The following PARD3B variants were observed in gnomAD, a reference collection of about 807,000 sequenced individuals.
The protein encoded by PARD3B is par-3 family cell polarity regulator beta, also known as partitioning defective 3 homolog B.
PARD3B carries 103 observed loss-of-function variants against 130.2 expected under a neutral mutation model. That is an observed-to-expected ratio of 0.79 (90% CI 0.67 to 0.93). The LOEUF is 0.93. PARD3B is among the 40% of genes least tolerant of loss of function. The pLI, the probability that PARD3B is intolerant of heterozygous loss-of-function variation, is 0.00. For synonymous variants in PARD3B, 583 were observed against 553.2 expected, an observed-to-expected ratio of 1.05 and a Z score of -0.76; for missense variants, 1,609 against 1,499.2, an observed-to-expected ratio of 1.07 and a Z score of -1.21.
chr2:205,104,344 C>A (rs1703041542), intron 4 of PARD3B, 82 bp from the exon 5 acceptor site: 2 of 1,012,654 alleles, frequency 2.0e-6, no homozygotes, highest in Non-Finnish European at 3.1e-6. Flanking sequence ...AAGCGGTTTA[C>A]TCTCCCATAT....
chr2:204,682,197 A>G (rs561266630), intron 1 of PARD3B, among the ~76,000 whole-genome samples: 2 of 152,182 alleles, frequency 1.3e-5, no homozygotes, highest in South Asian at 2.1e-4. Flanking sequence ...ATGTAGGGAT[A>G]GAAATGGACC....
intron 2 of PARD3B, among the ~76,000 whole-genome samples, chr2:204,848,001 A>G (rs78586278): frequency 0.015 from 2,306 of 152,284 alleles, 31 homozygotes; most frequent in East Asian, 0.051. Context: ...TCACGTAGGT[A>G]TTCTATCATT....
chr2:205,355,128 A>C (rs1325238615), intron 18 of PARD3B, among the ~76,000 whole-genome samples: 2 of 152,178 alleles, frequency 1.3e-5, no homozygotes, highest in Non-Finnish European at 2.9e-5. Context: ...GGCCCATAGA[A>C]GTGCTCACCA....
chr2:205,176,704 A>C lies in PARD3B; in HGVS notation c.1924+127A>C. 9.5e-6 allele frequency: 10 copies of C among 1,052,214 alleles called. No homozygotes were observed. Among genetic ancestry groups the C allele is most frequent in the Non-Finnish European group, 1.3e-5 (10 of 765,210 alleles). The allele number at this position is 1,052,214 out of a possible 1,614,324, so 65.2% of individuals were successfully genotyped here. On this transcript the variant is annotated intron_variant, in intron 13 of 22. Transcript: ENST00000406610. The surrounding 1 kb of genome is among the most constrained non-coding windows in gnomAD (Gnocchi z 5.3). ...ACTAAGTGCAGACTTTGTTACTCGG[A>C]GTCACAAACACTGAGAGAGTTGGGG...
intron 2 of PARD3B, among the ~76,000 whole-genome samples, chr2:204,764,789 G>A (rs867514776): frequency 6.6e-6 from 1 of 150,862 alleles, no homozygotes; most frequent in Non-Finnish European, 1.5e-5. Context: ...GACAGGACAG[G>A]CATTCTGCAG....
intron 2 of PARD3B, among the ~76,000 whole-genome samples, chr2:204,927,839 C>CGTAGGTAGGTAG (rs540664848): frequency 2.2e-4 from 31 of 142,002 alleles, no homozygotes; most frequent in African/African-American, 7.5e-4. Flanking sequence ...TAGGTAGGTA[C>CGTAGGTAGGTAG]GTAGGTAGGT....
chr2:205,351,791 G>A lies in PARD3B; in HGVS notation c.2631-49222G>A, dbSNP rs1458223084. 8.7e-6 allele frequency among the ~76,000 whole-genome samples: 1 copy of A among 115,154 alleles called. No homozygotes were observed. Among genetic ancestry groups the A allele is most frequent in the East Asian group, 2.7e-4 (1 of 3,768 alleles). 75.5% of individuals were successfully genotyped at this position (115,154 alleles called of 152,430 possible). A position where few individuals can be genotyped will look rare whatever the true frequency, so the allele number is the denominator to read the frequency against. On this transcript the variant is annotated intron_variant, in intron 18 of 22. Coordinates refer to ENST00000406610, the MANE Select transcript of PARD3B (RefSeq NM_001302769.2). The surrounding 1 kb of genome is among the most constrained non-coding windows in gnomAD (Gnocchi z 4.2). The stretch of plus-strand genomic sequence containing the variant: ...ATTATTAAAGTAAGTGTAATGTAGG[G>A]CAGAAACAAGAAAAAAAAAAAACGT...
intron 2 of PARD3B, among the ~76,000 whole-genome samples, chr2:204,694,295 G>A (rs2037505930): frequency 6.6e-6 from 1 of 151,958 alleles, no homozygotes; most frequent in Non-Finnish European, 1.5e-5. Flanking sequence ...AAACGATTAA[G>A]TGGTCTTTTT....
At chr2:204,555,921 C>A (rs1227468355) in intron 1 of PARD3B, among the ~76,000 whole-genome samples, 1 of 152,128 alleles carries the variant, frequency 6.6e-6, no homozygotes, top group East Asian at 1.9e-4. Context: ...CTTTCTATTG[C>A]CCTTCCCTGA....
At position 204,945,465 on chromosome 2, in the gene PARD3B, T is replaced by A. The variant is rs562950842; in HGVS notation, c.223-19687T>A. On this transcript the variant is annotated intron_variant, in intron 2 of 22. Coordinates refer to ENST00000406610, the MANE Select transcript of PARD3B (RefSeq NM_001302769.2). ...AGGGAAAGCTTCTCATCTCACAGTG[T>A]CTTAGATCTTATCTATAGAACAGAA... is the stretch of plus-strand genomic sequence containing the variant. Among the ~76,000 whole-genome samples, 5 of 152,332 alleles carry A rather than the reference T, an allele frequency of 3.3e-5. No individual in the cohort carries two copies. The South Asian group carries it at 1.0e-3, about 32-fold the overall frequency.
At chr2:204,724,444 A>G (rs1280044166) in intron 2 of PARD3B, among the ~76,000 whole-genome samples, 2 of 152,174 alleles carry the variant, frequency 1.3e-5, no homozygotes, top group Non-Finnish European at 2.9e-5. Context: ...GTACTCTAAA[A>G]TTAATTATTT....
chr2:204,652,616 G>A (rs1221469371), intron 1 of PARD3B, among the ~76,000 whole-genome samples: 1 of 152,156 alleles, frequency 6.6e-6, no homozygotes, highest in African/African-American at 2.4e-5. Flanking sequence ...CTGTTACCAA[G>A]TTCCAAAGTT....
chr2:204,560,762 A>G (rs1384714173), intron 1 of PARD3B, among the ~76,000 whole-genome samples: 2 of 152,186 alleles, frequency 1.3e-5, no homozygotes, highest in South Asian at 2.1e-4. Flanking sequence ...GGATGGAGAT[A>G]TTGTTGGACC....
intron 2 of PARD3B, among the ~76,000 whole-genome samples, chr2:204,816,654 C>T (rs1234415867): frequency 6.6e-6 from 1 of 151,844 alleles, no homozygotes; most frequent in Non-Finnish European, 1.5e-5. Flanking sequence ...TCTGTTTTTC[C>T]TGGCTCCTTT....
At position 205,121,584 on chromosome 2, in the gene PARD3B, T is replaced by C. The variant is rs1265224730; in HGVS notation, c.807-7T>C. 3 of 1,609,000 alleles carry C rather than the reference T, an allele frequency of 1.9e-6. No homozygotes were observed. Among genetic ancestry groups the C allele is most frequent in the East Asian group, 2.2e-5 (1 of 44,794 alleles). On this transcript the variant is annotated splice_polypyrimidine_tract_variant and splice_region_variant and intron_variant, in intron 7 of 22. Coordinates refer to ENST00000406610, the MANE Select transcript of PARD3B (RefSeq NM_001302769.2). The surrounding 1 kb of genome is among the most constrained non-coding windows in gnomAD (Gnocchi z 5.0). ...GGTCATCATACATTTATCAACTTTC[T>C]TTCCAGGGCTCAAGATGTCTTCCGC...
chr2:204,634,667 T>G (rs1326153510), intron 1 of PARD3B, among the ~76,000 whole-genome samples: 1 of 152,212 alleles, frequency 6.6e-6, no homozygotes, highest in African/African-American at 2.4e-5. Context: ...CTGTTCTACA[T>G]ATTTATTTTA....
rs957717350 is a variant in PARD3B, at chr2:205,230,630, G to C, written c.2141-15148G>C. Among the ~76,000 whole-genome samples, 2 of 152,094 alleles carry C rather than the reference G, an allele frequency of 1.3e-5. No homozygotes were observed. The highest frequency in any genetic ancestry group is 2.9e-5 in the Non-Finnish European group (2 of 68,010). ...GAGTGGTGCAAGCACTGCATTAGCC[G>C]CCCAACGGCTGTCTCACTAGGTTAT... On this transcript the variant is annotated intron_variant, in intron 15 of 22. Transcript: ENST00000406610. The surrounding 1 kb of genome is among the most constrained non-coding windows in gnomAD (Gnocchi z 4.1).
chr2:204,549,714 C>T (rs1431016412), intron 1 of PARD3B, among the ~76,000 whole-genome samples: 3 of 151,722 alleles, frequency 2.0e-5, no homozygotes, highest in Non-Finnish European at 4.4e-5. Context: ...GATACTGTGT[C>T]TTAGATATCT....
At chr2:204,835,459 C>G (rs1485354236) in intron 2 of PARD3B, among the ~76,000 whole-genome samples, 2 of 152,054 alleles carry the variant, frequency 1.3e-5, no homozygotes, top group Non-Finnish European at 2.9e-5. Context: ...CCCTCCTTAC[C>G]TCTCCTCCCC....
Sources: allele counts gnomAD v4.1 joint callset (sites outside exome capture counted in the v4.1 genomes callset), GRCh38; gene constraint gnomAD v4.1.1; non-coding constraint Gnocchi (gnomAD v3.1); transcripts MANE v1.5; gene names NCBI Gene and HGNC (gene_info 2026-07-23, HGNC 2026-07-21).